MYO9B: variants seen among roughly 807,000 people sequenced by gnomAD.
MYO9B encodes the protein myosin IXB.
In MYO9B, 71 loss-of-function variants were observed where a neutral mutation model predicts 229.5. That is an observed-to-expected ratio of 0.31 (90% confidence interval 0.26 to 0.38). The LOEUF (loss-of-function observed/expected upper bound fraction) is 0.38. Ranked by LOEUF, MYO9B falls within the 10% of genes least tolerant of loss-of-function variation. The pLI, the probability that MYO9B is intolerant of heterozygous loss-of-function variation, is 1.00. For synonymous variants in MYO9B, 1,185 were observed against 1,235.8 expected (o/e 0.96, Z 0.86); for missense variants, 2,255 against 2,920.5 (o/e 0.77, Z 5.25).
rs1179308239 is a variant in MYO9B, at chr19:17,210,559, A to G, written c.5797-156A>G. On this transcript the variant is annotated intron_variant, in intron 37 of 39. Coordinates refer to ENST00000682292, the MANE Select transcript of MYO9B (RefSeq NM_004145.4). ...GTGCTCAGGACGACTAATCGGCCAC[A>G]TGACCACCACTCTGTCCCATGGGAT... 9.7e-6 allele frequency: 12 copies of G among 1,243,272 alleles called. No individual in the cohort carries two copies. In the South Asian group the frequency reaches 1.3e-4, roughly 13 times the overall value. 77.0% of individuals were successfully genotyped at this position (1,243,272 alleles called of 1,614,324 possible).
chr19:17,185,589 G>A (rs886108646), intron 17 of MYO9B, among the ~76,000 whole-genome samples: 46 of 151,562 alleles, frequency 3.0e-4, no homozygotes, highest in Admixed American at 2.6e-4. Context: ...CACTACATCC[G>A]TGGTCCCTTC....
chr19:17,118,679 C>T (rs555206354), intron 2 of MYO9B, among the ~76,000 whole-genome samples: 6 of 152,120 alleles, frequency 3.9e-5, no homozygotes, highest in East Asian at 2.0e-4. Flanking sequence ...GACATGGTTT[C>T]GCCATGTTGG....
At chr19:17,197,752 C>G (rs772778556) in intron 22 of MYO9B, 40 bp from the exon 23 acceptor site, 1 of 1,603,578 alleles carries the variant, frequency 6.2e-7, no homozygotes, top group Non-Finnish European at 8.5e-7. Flanking sequence ...GCCACTGACT[C>G]ACTCTAGTCA....
chr19:17,175,987 G>T (rs570946297), intron 14 of MYO9B, among the ~76,000 whole-genome samples: 1 of 148,198 alleles, frequency 6.7e-6, no homozygotes, highest in Admixed American at 6.7e-5. Context: ...CATGCGCCAC[G>T]ATGCCCAGCT....
chr19:17,196,551 C>T (rs1375249798), intron 22 of MYO9B, among the ~76,000 whole-genome samples: 1 of 151,898 alleles, frequency 6.6e-6, no homozygotes, highest in Admixed American at 6.6e-5. Context: ...GGCGTGGTGG[C>T]GCATGCTTGT....
intron 28 of MYO9B, 38 bp downstream of exon 28, chr19:17,202,341 C>A: frequency 6.6e-7 from 1 of 1,524,068 alleles, no homozygotes; most frequent in Non-Finnish European, 8.8e-7. Context: ...CTGTGACATG[C>A]CACGCCTACC....
intron 2 of MYO9B, among the ~76,000 whole-genome samples, chr19:17,106,204 C>T (rs115431602): frequency 0.012 from 1,834 of 152,264 alleles, 47 homozygotes; most frequent in African/African-American, 0.041. Flanking sequence ...CTATGTTCTC[C>T]AGGCTGGTCT....
chr19:17,162,823 CA>C (rs1408822100), intron 9 of MYO9B, among the ~76,000 whole-genome samples, 164 bp from the exon 10 acceptor site: 3 of 151,222 alleles, frequency 2.0e-5, no homozygotes, highest in African/African-American at 7.3e-5. Context: ...ACCCCATCTC[CA>C]AAAAAAAATT....
chr19:17,194,110 C>T (rs1198676922), intron 21 of MYO9B, among the ~76,000 whole-genome samples: 5 of 151,840 alleles, frequency 3.3e-5, no homozygotes, highest in Admixed American at 6.6e-5. Context: ...AGGCAGAGGT[C>T]GCAGCAAGCC....
chr19:17,203,295 T>C (rs2073127730), intron 30 of MYO9B, 37 bp downstream of exon 30: 2 of 1,463,692 alleles, frequency 1.4e-6, no homozygotes, highest in African/African-American at 2.8e-5. Context: ...AAACCCTCCA[T>C]GTCCCCCACC....
chr19:17,124,714 C>T (rs1485858700), intron 2 of MYO9B, among the ~76,000 whole-genome samples: 2 of 148,546 alleles, frequency 1.3e-5, no homozygotes, highest in Admixed American at 6.8e-5. Context: ...GAGCCGAGAT[C>T]GCGCCACTGC....
chr19:17,156,820 T>C lies in MYO9B; in HGVS notation c.1200-89T>C. 3 of 1,456,060 alleles carry C rather than the reference T, an allele frequency of 2.1e-6. No homozygotes were observed. In the South Asian group the frequency reaches 4.0e-5, roughly 20 times the overall value. 90.2% of individuals were successfully genotyped at this position (1,456,060 alleles called of 1,614,324 possible). On this transcript the variant is annotated intron_variant, in intron 6 of 39. Coordinates refer to ENST00000682292, the MANE Select transcript of MYO9B (RefSeq NM_004145.4). Reference sequence around the variant, plus strand: ...ATGCGTTCCGACCAGAATTTGCTGGTTTTATGGATTCAGCCCGGTTCCCTG... The same window carrying C: ...ATGCGTTCCGACCAGAATTTGCTGGCTTTATGGATTCAGCCCGGTTCCCTG...
At chr19:17,102,669 GGGA>G (rs2057756573) in intron 2 of MYO9B, 112 bp downstream of exon 2, 1 of 1,399,942 alleles carries the variant, frequency 7.1e-7, no homozygotes, top group South Asian at 1.5e-5. Flanking sequence ...GGAAGGCTGA[GGGA>G]GGAGGATTGC....
intron 2 of MYO9B, among the ~76,000 whole-genome samples, chr19:17,118,546 A>G (rs1349112599): frequency 6.6e-6 from 1 of 151,774 alleles, no homozygotes; most frequent in Non-Finnish European, 1.5e-5. Flanking sequence ...TAGTGGTGCG[A>G]TCTTGGCTCA....
chr19:17,107,244 CA>C (rs1228482175), intron 2 of MYO9B, among the ~76,000 whole-genome samples: 1 of 151,780 alleles, frequency 6.6e-6, no homozygotes, highest in Non-Finnish European at 1.5e-5. Context: ...AAAAAAATAA[CA>C]AAAAAAATTT....
rs1200081477 is a variant in MYO9B at position 17,194,930 on chromosome 19, C to T, written c.3503C>T (p.Ser1168Phe). ...HVKFQNKHIQ[S>F]CKEESALREP... ...AAGTTCCAGAACAAACACATCCAGT[C>T]CTGCAAGGAGGAGAGTGCCCTCAGA... The change falls in exon 22 of 40, where the codon TCC becomes TTC. Residue 1168 changes from serine (S) to phenylalanine (F), a missense_variant. Ser to Phe is a radical substitution (Grantham distance 155). This residue lies in a region of MYO9B where 679 missense variants were observed against 770.2 expected (regional missense o/e 0.88). Coordinates refer to ENST00000682292, the MANE Select transcript of MYO9B (RefSeq NM_004145.4). The T allele has an allele frequency of 6.2e-7, 1 of 1,613,288 alleles. No individual in the cohort carries two copies. Among genetic ancestry groups the T allele is most frequent in the Non-Finnish European group, 8.5e-7 (1 of 1,179,896 alleles).
chr19:17,102,182 C>G lies in MYO9B; in HGVS notation c.465C>G (p.Pro155=). ...QADFDDLCNL[P]ELTEGNLLKN... The stretch of plus-strand genomic sequence containing the variant: ...ACTTTGATGACCTGTGTAACCTCCC[C>G]GAGCTAACCGAGGGCAACCTCCTGA... Residue 155 remains proline (P), a synonymous_variant, in exon 2 of 40, where the codon CCC becomes CCG. Transcript: ENST00000682292. 6.2e-7 allele frequency: 1 copy of G among 1,613,740 alleles called. No homozygotes were observed. Among genetic ancestry groups the G allele is most frequent in the Non-Finnish European group, 8.5e-7 (1 of 1,179,826 alleles).
chr19:17,075,980 G>T (rs552038869), intron 1 of MYO9B, 106 bp downstream of exon 1: 184 of 152,432 alleles, frequency 1.2e-3, no homozygotes, highest in Middle Eastern at 3.4e-3. Flanking sequence ...CGCGACGGCA[G>T]GGGTCGAGGG....
At chr19:17,188,372 T>C (rs561817576) in intron 19 of MYO9B, among the ~76,000 whole-genome samples, 1 of 138,032 alleles carries the variant, frequency 7.2e-6, no homozygotes, top group East Asian at 2.1e-4. Flanking sequence ...GAGGTTGCAG[T>C]GAGCCAAGAT....
Sources: gnomAD v4.1 joint callset for allele counts (sites outside exome capture counted in the v4.1 genomes callset) on GRCh38, gnomAD v4.1.1 for gene constraint, gnomAD v4.1.1 regional missense constraint, MANE v1.5 for transcripts, NCBI Gene and HGNC (gene_info 2026-07-23, HGNC 2026-07-21) for gene names.